Variants in RARG observed in about 807,000 individuals in gnomAD.
RARG encodes retinoic acid receptor gamma.
Under a neutral mutation model 43.7 loss-of-function variants are expected in RARG, and 17 were observed. The ratio of observed to expected loss-of-function variants is 0.39; its 90% CI spans 0.27 to 0.58. The LOEUF (loss-of-function observed/expected upper bound fraction) is 0.58, where lower values mean the gene tolerates loss of function less well. Among genes scored for constraint, RARG ranks in the 20% least tolerant of loss-of-function variants. The pLI is 0.57. For missense variants in RARG, 346 were observed against 598.7 expected (o/e 0.58, Z 4.40); for synonymous variants, 238 against 236.4 (o/e 1.01, Z -0.06).
Position 53,227,378 on chromosome 12 carries a change from C to T in RARG, c.168G>A (p.Lys56=). ...GAGACTCACACAGAGAGGCCATCTCCTTGGGGAGGTCAGGCTGGCCCAGGC... is the reference window on the plus strand; with the variant it reads ...GAGACTCACACAGAGAGGCCATCTCTTTGGGGAGGTCAGGCTGGCCCAGGC... The part of the protein sequence containing the change: ...FRGLGQPDLP[K]EMASLSVETQ... The change falls in exon 3 of 10, where the codon AAG becomes AAA. Residue 56 remains lysine (K), a synonymous_variant. Transcript: ENST00000425354. The surrounding 1 kb of genome is among the most constrained non-coding windows in gnomAD (Gnocchi z 4.3). 1 of 1,587,460 alleles carries T rather than the reference C, an allele frequency of 6.3e-7. No homozygotes were observed. The highest frequency in any genetic ancestry group is 1.1e-5 in the South Asian group (1 of 87,658).
At chr12:53,214,344 C>T (rs772093833) in intron 6 of RARG, 102 bp downstream of exon 6, 233 of 1,539,796 alleles carry the variant, frequency 1.5e-4, no homozygotes, top group Non-Finnish European at 2.0e-4. Context: ...CTGATGCCCT[C>T]CTTGTCCTCA....
intron 2 of RARG, among the ~76,000 whole-genome samples, chr12:53,229,182 AAC>A (rs1319491281): frequency 6.6e-6 from 1 of 152,190 alleles, no homozygotes; most frequent in African/African-American, 2.4e-5. Context: ...TCAGAGCCAT[AAC>A]AGACTGCTAT....
intron 2 of RARG, 149 bp downstream of exon 2, chr12:53,231,019 AG>A (rs1943224781): frequency 1.3e-5 from 2 of 152,162 alleles, no homozygotes; most frequent in Non-Finnish European, 2.9e-5. Context: ...TCTGACCCTA[AG>A]GGCAGAAGCC....
rs769299806 is a variant in RARG, at chr12:53,213,191, C to A, written c.1071G>T (p.Leu357=). Residue 357 remains leucine, a synonymous_variant, in exon 9 of 10, where the codon CTG becomes CTT. Coordinates refer to ENST00000425354, the MANE Select transcript of RARG (RefSeq NM_000966.6). The surrounding 1 kb of genome is among the most constrained non-coding windows in gnomAD (Gnocchi z 4.7). ...PEKVDKLQEP[L]LEALRLYARR... The stretch of plus-strand genomic sequence containing the variant: ...GGGCGTACAGCCTCAGGGCTTCCAG[C>A]AGTGGCTCCTGCAGCTTGTCCACTT... 5.0e-6 allele frequency: 8 copies of A among 1,607,672 alleles called. No individual in the cohort carries two copies. Among genetic ancestry groups the A allele is most frequent in the Non-Finnish European group, 6.8e-6 (8 of 1,174,224 alleles).
intron 3 of RARG, among the ~76,000 whole-genome samples, chr12:53,217,262 T>C (rs1942802463): frequency 6.6e-6 from 1 of 152,052 alleles, no homozygotes; most frequent in Non-Finnish European, 1.5e-5. Context: ...AGACTAGGGA[T>C]GGGGGCTCCA....
At chr12:53,221,330 C>A (rs1291915960) in intron 3 of RARG, among the ~76,000 whole-genome samples, 1 of 152,134 alleles carries the variant, frequency 6.6e-6, no homozygotes, top group African/African-American at 2.4e-5. Flanking sequence ...AACATAACTT[C>A]ACTTTTAGAG....
intron 3 of RARG, among the ~76,000 whole-genome samples, chr12:53,218,698 T>A (rs1247915609): frequency 6.7e-6 from 1 of 150,088 alleles, no homozygotes; most frequent in Admixed American, 6.6e-5. Flanking sequence ...AAAAAAAAAA[T>A]CCGAACTTGT....
At position 53,211,978 on chromosome 12, in the gene RARG, G is replaced by T. The variant is rs997423620; in HGVS notation, c.1178-115C>A. ...ACTCCCCTAGGGGGCGCCCAGCACA[G>T]GCCCACCACCTCTCCGTCCCCAGCT... On this transcript the variant is annotated intron_variant, in intron 9 of 9. Transcript: ENST00000425354. The surrounding 1 kb of genome is among the most constrained non-coding windows in gnomAD (Gnocchi z 4.6). The T allele has an allele frequency of 8.4e-6, 6 of 713,518 alleles. No individual in the cohort carries two copies. Among genetic ancestry groups the T allele is most frequent in the Non-Finnish European group, 1.0e-5 (5 of 500,640 alleles). The allele number at this position is 713,518 out of a possible 1,614,324, so 44.2% of individuals were successfully genotyped here. A position where few individuals can be genotyped will look rare whatever the true frequency, so the allele number is the denominator to read the frequency against.
Position 53,215,443 on chromosome 12 carries a change from G to A in RARG, c.334-9C>T. On this transcript the variant is annotated splice_polypyrimidine_tract_variant and intron_variant, in intron 4 of 9. Coordinates refer to ENST00000425354, the MANE Select transcript of RARG (RefSeq NM_000966.6). This position sits in a 1 kb window ranked among gnomAD's most constrained non-coding sequence, Gnocchi z 6.4. ...CTTCGGCGAAAGAAGCCCTGGAGTTGAGGGAAAGAGAGAGGGCCTCTGAAG... is the reference window on the plus strand; with the variant it reads ...CTTCGGCGAAAGAAGCCCTGGAGTTAAGGGAAAGAGAGAGGGCCTCTGAAG... The A allele has an allele frequency of 6.2e-7, 1 of 1,614,012 alleles. No individual in the cohort carries two copies. The highest frequency in any genetic ancestry group is 8.5e-7 in the Non-Finnish European group (1 of 1,179,934).
rs1942707853 is a variant in RARG at position 53,214,667 on chromosome 12, C to G, written c.476-61G>C. 4 of 1,470,494 alleles carry G rather than the reference C, an allele frequency of 2.7e-6. No individual in the cohort carries two copies. The South Asian group carries it at 4.9e-5, about 18-fold the overall frequency. 91.1% of individuals were successfully genotyped at this position (1,470,494 alleles called of 1,614,324 possible). ...CTCAGAGCCTCCCTTTGGGTGTCCT[C>G]TCTCACCCTAATTTAATATGCTCAG... is the stretch of plus-strand genomic sequence containing the variant. On this transcript the variant is annotated intron_variant, in intron 5 of 9. Transcript: ENST00000425354.
At chr12:53,222,233 G>GGAAGAAAGAAAA (rs1555181729) in intron 3 of RARG, among the ~76,000 whole-genome samples, 1 of 149,686 alleles carries the variant, frequency 6.7e-6, no homozygotes, top group South Asian at 2.1e-4. Flanking sequence ...AAGAAAGAGA[G>GGAAGAAAGAAAA]AGAAAGAAAA....
chr12:53,211,782 TC>T lies in RARG; in HGVS notation c.1258del (p.Glu420LysfsTer31). On this transcript the variant is annotated frameshift_variant, in exon 10 of 10. Transcript: ENST00000425354. LOFTEE classifies it high-confidence loss of function. The surrounding 1 kb of genome is among the most constrained non-coding windows in gnomAD (Gnocchi z 4.6). ...CTGCGAGGAGTCATCCTCAAACATT[TC>T]AGGGTTCTCCAGCATCTCTCGGATT... ...PLIREMLENP[E>X]MFEDDSSQPG... 6.4e-7 allele frequency: 1 copy of T among 1,561,746 alleles called. No individual in the cohort carries two copies.
At position 53,226,761 on chromosome 12, in the gene RARG, G is replaced by A. The variant is rs565054128; in HGVS notation, c.184+601C>T. ...CAAGTAGCTGGGACTACAAGTGTGC[G>A]CCACTACGCCCAGCTAATTTTTGCA... On this transcript the variant is annotated intron_variant, in intron 3 of 9. Transcript: ENST00000425354. Among the ~76,000 whole-genome samples the A allele has an allele frequency of 2.6e-5, 4 of 151,440 alleles. No homozygotes were observed. The South Asian group carries it at 8.3e-4, about 32-fold the overall frequency.
Position 53,215,951 on chromosome 12 carries a change from A to C in RARG, c.185-157T>G, listed in dbSNP as rs1942748706. ...TAGTTCCAGCAGTAAGCACTGTCAG[A>C]ATCCTCTTAATGACCACTATTACCA... On this transcript the variant is annotated intron_variant, in intron 3 of 9. Coordinates refer to ENST00000425354, the MANE Select transcript of RARG (RefSeq NM_000966.6). The surrounding 1 kb of genome is among the most constrained non-coding windows in gnomAD (Gnocchi z 6.4). 6.6e-6 allele frequency among the ~76,000 whole-genome samples: 1 copy of C among 152,138 alleles called. No homozygotes were observed. The highest frequency in any genetic ancestry group is 2.4e-5 in the African/African-American group (1 of 41,418).
At position 53,213,739 on chromosome 12, in the gene RARG, G is replaced by T. The variant is rs371195222; in HGVS notation, c.814-39C>A. 1 of 1,542,400 alleles carries T rather than the reference G, an allele frequency of 6.5e-7. No homozygotes were observed. The highest frequency in any genetic ancestry group is 1.7e-5 in the Admixed American group (1 of 58,754). Reference sequence around the variant, plus strand: ...GTGGAGGAGGGTTAGTGCTGTTTCTGGGGGATGGGGAAAAGAGGGAATGAG... The same window carrying T: ...GTGGAGGAGGGTTAGTGCTGTTTCTTGGGGATGGGGAAAAGAGGGAATGAG... On this transcript the variant is annotated intron_variant, in intron 7 of 9. Coordinates refer to ENST00000425354, the MANE Select transcript of RARG (RefSeq NM_000966.6). The surrounding 1 kb of genome is among the most constrained non-coding windows in gnomAD (Gnocchi z 4.7).
In RARG at chr12:53,213,448, G is replaced by A. The variant is rs1441271461; in HGVS notation, c.1018+48C>T. The A allele has an allele frequency of 6.3e-7, 1 of 1,587,000 alleles. No homozygotes were observed. The highest frequency in any genetic ancestry group is 8.6e-7 in the Non-Finnish European group (1 of 1,159,616). On this transcript the variant is annotated intron_variant, in intron 8 of 9. Transcript: ENST00000425354. The surrounding 1 kb of genome is among the most constrained non-coding windows in gnomAD (Gnocchi z 4.7). ...CCAGACAGATTCCGCATGGAGTGGT[G>A]GGAAAGGAGACTGAGCACTGAGCAG...
chr12:53,220,236 G>A (rs1305772283), intron 3 of RARG: 7 of 1,517,906 alleles, frequency 4.6e-6, no homozygotes, highest in African/African-American at 1.4e-5. Flanking sequence ...GGCTGCATGC[G>A]GGTAAGGGGT....
In RARG at chr12:53,213,587, G is replaced by A. The variant is rs907646309; in HGVS notation, c.927C>T (p.Asp309=). Residue 309 remains aspartate, a synonymous_variant, in exon 8 of 10, where the codon GAC becomes GAT. Transcript: ENST00000425354. The surrounding 1 kb of genome is among the most constrained non-coding windows in gnomAD (Gnocchi z 4.7). ...GCTGCCCAGCAAAGGCAAAGACAAG[G>A]TCTGTGAGGGGCCCGAAGCCGGCAT... ...MHNAGFGPLT[D]LVFAFAGQLL... 6.2e-7 allele frequency: 1 copy of A among 1,614,182 alleles called. No individual in the cohort carries two copies. Among genetic ancestry groups the A allele is most frequent in the African/African-American group, 1.3e-5 (1 of 75,058 alleles).
In RARG at chr12:53,211,751, A is replaced by G; in HGVS notation, c.1290T>C (p.Gly430=). The G allele has an allele frequency of 6.4e-7, 1 of 1,568,812 alleles. No homozygotes were observed. The highest frequency in any genetic ancestry group is 8.6e-7 in the Non-Finnish European group (1 of 1,158,234). Reference sequence around the variant, plus strand: ...CCTCGCTAGAGGCATTGGGGTGGGGACCAGGCTGCGAGGAGTCATCCTCAA... The same window carrying G: ...CCTCGCTAGAGGCATTGGGGTGGGGGCCAGGCTGCGAGGAGTCATCCTCAA... ...EMFEDDSSQP[G]PHPNASSEDE... Residue 430 remains glycine (G), a synonymous_variant, in exon 10 of 10, where the codon GGT becomes GGC. Transcript: ENST00000425354. The surrounding 1 kb of genome is among the most constrained non-coding windows in gnomAD (Gnocchi z 4.6).
Sources: allele counts gnomAD v4.1 joint callset (sites outside exome capture counted in the v4.1 genomes callset), GRCh38; gene constraint gnomAD v4.1.1; non-coding constraint Gnocchi (gnomAD v3.1); transcripts MANE v1.5; gene names NCBI Gene and HGNC (gene_info 2026-07-23, HGNC 2026-07-21).